WWOX: variants seen among roughly 807,000 people sequenced by gnomAD.
The protein encoded by WWOX is WW domain containing oxidoreductase.
Under a neutral mutation model 46.2 loss-of-function variants are expected in WWOX, and 69 were observed. The observed-to-expected ratio is 1.49, with a 90% CI of 1.23 to 1.82. The LOEUF is 1.82. Ranked by LOEUF, WWOX falls within the 40% of genes most tolerant of loss-of-function variation. The pLI is 0.00. For synonymous variants in WWOX, 359 were observed against 202.6 expected, an observed-to-expected ratio of 1.77 and a Z score of -6.56; for missense variants, 919 against 542.6, an observed-to-expected ratio of 1.69 and a Z score of -6.89.
chr16:78,122,412 A>C (rs1435119298), intron 4 of WWOX, among the ~76,000 whole-genome samples: 2 of 152,206 alleles, frequency 1.3e-5, no homozygotes, highest in Non-Finnish European at 2.9e-5. Flanking sequence ...TTTAATGACA[A>C]AGTGGGTCAA....
chr16:78,826,070 T>C, intron 8 of WWOX: 1 of 393,022 alleles, frequency 2.5e-6, no homozygotes, highest in East Asian at 4.4e-5. Flanking sequence ...TTTAATAAAA[T>C]ATTGTACAAA....
intron 8 of WWOX, among the ~76,000 whole-genome samples, chr16:78,486,646 C>G (rs2084645371): frequency 6.6e-6 from 1 of 152,142 alleles, no homozygotes; most frequent in Non-Finnish European, 1.5e-5. Flanking sequence ...GTGATCTCCG[C>G]TCACTGCAGC....
At chr16:78,645,248 G>T (rs531311387) in intron 8 of WWOX, among the ~76,000 whole-genome samples, 32 of 152,160 alleles carry the variant, frequency 2.1e-4, no homozygotes, top group African/African-American at 7.7e-4. Context: ...TCATTGCTTA[G>T]TTGTCAGTAT....
chr16:79,073,428 A>C (rs1323051515), intron 8 of WWOX, among the ~76,000 whole-genome samples: 3 of 151,806 alleles, frequency 2.0e-5, no homozygotes, highest in Non-Finnish European at 4.4e-5. Flanking sequence ...GATCCACCCA[A>C]CTCGGCCTCC....
intron 5 of WWOX, among the ~76,000 whole-genome samples, chr16:78,299,153 C>G (rs1054227484): frequency 2.0e-5 from 3 of 152,164 alleles, no homozygotes; most frequent in African/African-American, 7.2e-5. Flanking sequence ...AGAAGACTGA[C>G]TCTCAGAACG....
chr16:79,145,346 C>A (rs975615383), intron 8 of WWOX, among the ~76,000 whole-genome samples: 1 of 152,054 alleles, frequency 6.6e-6, no homozygotes, highest in Non-Finnish European at 1.5e-5. Context: ...AAAACACTTT[C>A]AGTAGAGTCA....
chr16:78,618,761 A>C (rs1201683230), intron 8 of WWOX, among the ~76,000 whole-genome samples: 1 of 151,746 alleles, frequency 6.6e-6, no homozygotes, highest in Admixed American at 6.6e-5. Flanking sequence ...TGTCTTCCCC[A>C]CCTGAGACCT....
intron 7 of WWOX, among the ~76,000 whole-genome samples, chr16:78,428,714 G>A (rs936472799): frequency 1.3e-5 from 2 of 152,114 alleles, no homozygotes; most frequent in Admixed American, 1.3e-4. Context: ...ATTCTTAACA[G>A]TAGAAAATCA....
At chr16:78,240,642 C>G (rs1316145132) in intron 5 of WWOX, among the ~76,000 whole-genome samples, 1 of 152,202 alleles carries the variant, frequency 6.6e-6, no homozygotes, top group Non-Finnish European at 1.5e-5. Context: ...TGTTCTTTAT[C>G]TACAGTCTCT....
In WWOX at chr16:79,155,895, G is replaced by GT. The variant is rs879570183; in HGVS notation, c.1057-55703dup. Among the ~76,000 whole-genome samples the GT allele has an allele frequency of 4.3e-3, 607 of 142,752 alleles. 2 individuals carry two copies. Among genetic ancestry groups the GT allele is most frequent in the African/African-American group, 0.015 (533 of 35,798 alleles). The allele number at this position is 142,752 out of a possible 152,430, so 93.7% of individuals were successfully genotyped here. On this transcript the variant is annotated intron_variant, in intron 8 of 8. Coordinates refer to ENST00000566780, the MANE Select transcript of WWOX (RefSeq NM_016373.4). ...AAGGGAGGGAGGAGGAATTCCAGTT[G>GT]TTTTTTTTTTAATCTAGGTACAAGT... is the stretch of plus-strand genomic sequence containing the variant.
intron 5 of WWOX, among the ~76,000 whole-genome samples, chr16:78,175,215 C>T (rs1227084522): frequency 1.3e-5 from 2 of 151,928 alleles, no homozygotes; most frequent in Non-Finnish European, 2.9e-5. Flanking sequence ...TCAGAGCCTA[C>T]CCTGTGTTCC....
intron 5 of WWOX, among the ~76,000 whole-genome samples, chr16:78,364,779 G>C (rs1053813620): frequency 1.3e-5 from 2 of 152,170 alleles, no homozygotes; most frequent in African/African-American, 4.8e-5. Flanking sequence ...TGCACTTCCA[G>C]GGAACAGTGT....
chr16:78,190,027 G>C (rs1415284127), intron 5 of WWOX, among the ~76,000 whole-genome samples: 4 of 152,116 alleles, frequency 2.6e-5, no homozygotes, highest in Admixed American at 6.5e-5. Flanking sequence ...CTGTTATCTT[G>C]TCCAGCACAT....
At chr16:79,141,254 TG>T (rs1282072505) in intron 8 of WWOX, among the ~76,000 whole-genome samples, 1 of 152,180 alleles carries the variant, frequency 6.6e-6, no homozygotes, top group East Asian at 1.9e-4. Context: ...TTCCTACCTT[TG>T]CTCTGAGTTG....
chr16:78,574,769 A>G lies in WWOX; in HGVS notation c.1056+142017A>G, dbSNP rs551157343. Among the ~76,000 whole-genome samples the G allele has an allele frequency of 3.3e-5, 5 of 151,102 alleles. No homozygotes were observed. The South Asian group carries it at 6.3e-4, about 19-fold the overall frequency. On this transcript the variant is annotated intron_variant, in intron 8 of 8. Coordinates refer to ENST00000566780, the MANE Select transcript of WWOX (RefSeq NM_016373.4). ...AAAACCAAGCTCATAGAATAGAAAC[A>G]GAGAGTGAGAATGGTGGTTGCTGGG...
intron 8 of WWOX, among the ~76,000 whole-genome samples, chr16:78,530,212 C>G (rs892128177): frequency 6.6e-6 from 1 of 152,182 alleles, no homozygotes; most frequent in Non-Finnish European, 1.5e-5. Flanking sequence ...AGGAGTGTTA[C>G]AGTCAGTGCT....
At chr16:78,848,541 A>T (rs1282843872) in intron 8 of WWOX, among the ~76,000 whole-genome samples, 5 of 152,134 alleles carry the variant, frequency 3.3e-5, no homozygotes, top group African/African-American at 9.7e-5. Context: ...AAAGTCCTTT[A>T]TGTGGTGTTG....
intron 8 of WWOX, among the ~76,000 whole-genome samples, chr16:78,608,063 G>A (rs2045805094): frequency 2.0e-5 from 3 of 152,202 alleles, no homozygotes; most frequent in Admixed American, 2.0e-4. Context: ...GATATTGAAT[G>A]TGGGAGATGG....
chr16:78,304,610 G>A (rs568831291), intron 5 of WWOX, among the ~76,000 whole-genome samples: 3 of 152,260 alleles, frequency 2.0e-5, no homozygotes, highest in South Asian at 4.1e-4. Flanking sequence ...AGATATATAC[G>A]CGTGCTGCTT....
Sources: allele counts gnomAD v4.1 joint callset (sites outside exome capture counted in the v4.1 genomes callset), GRCh38; gene constraint gnomAD v4.1.1; transcripts MANE v1.5; gene names NCBI Gene and HGNC (gene_info 2026-07-23, HGNC 2026-07-21).